The following ZFR variants were observed in gnomAD, a reference collection of about 807,000 sequenced individuals.
ZFR encodes the protein zinc finger RNA-binding protein.
ZFR carries 19 observed loss-of-function variants against 130.7 expected under a neutral mutation model. That is an observed-to-expected ratio of 0.15 (90% confidence interval 0.10 to 0.21). The LOEUF (loss-of-function observed/expected upper bound fraction) is 0.21. Ranked by LOEUF, ZFR falls within the 10% of genes least tolerant of loss-of-function variation. The pLI, the probability that ZFR is intolerant of heterozygous loss-of-function variation, is 1.00. For synonymous variants in ZFR, 466 were observed against 456.9 expected (o/e 1.02, Z -0.25); for missense variants, 872 against 1,321.5 (o/e 0.66, Z 5.27).
At chr5:32,390,490 A>C in intron 11 of ZFR, 53 bp from the exon 12 acceptor site, 1 of 1,520,954 alleles carries the variant, frequency 6.6e-7, no homozygotes, top group Non-Finnish European at 9.0e-7. Flanking sequence ...ACAGCCCAAG[A>C]ACTTGCATCA....
At chr5:32,363,887 C>A in intron 19 of ZFR, 61 bp downstream of exon 19, 1 of 1,378,080 alleles carries the variant, frequency 7.3e-7, no homozygotes, top group Non-Finnish European at 1.0e-6. Context: ...AAGACAATAA[C>A]AGAAAAATAA....
intron 4 of ZFR, among the ~76,000 whole-genome samples, chr5:32,415,511 T>TGCGC (rs1336806329): frequency 1.1e-5 from 1 of 93,484 alleles, no homozygotes; most frequent in African/African-American, 5.1e-5. Flanking sequence ...TGTGTGTGTG[T>TGCGC]GTGTGCGCGC....
rs138398422 is a variant in ZFR at position 32,444,183 on chromosome 5, G to A, written c.137+46C>T. ...GCGTCGCATCGACAGGATCCGGACC[G>A]AGGGGAGAGCAAGGGGCGAACAGAG... On this transcript the variant is annotated intron_variant, in intron 2 of 19. Coordinates refer to ENST00000265069, the MANE Select transcript of ZFR (RefSeq NM_016107.5). The A allele has an allele frequency of 2.7e-4, 429 of 1,579,284 alleles. 1 individual carries two copies. The African/African-American group carries it at 5.0e-3, about 18-fold the overall frequency.
rs1248980487 is a variant in ZFR, at chr5:32,420,001, A to G, written c.240T>C (p.Tyr80=). The G allele has an allele frequency of 1.9e-6, 3 of 1,613,892 alleles. No individual in the cohort carries two copies. Among genetic ancestry groups the G allele is most frequent in the Admixed American group, 1.7e-5 (1 of 60,028 alleles). ...PVAAHTVTAA[Y]APAAATVAVA... ...CTGCAACTGTGGCGGCTGCTGGTGC[A>G]TAGGCAGCAGTAACTGTGTGAGCAG... is the stretch of plus-strand genomic sequence containing the variant. Residue 80 remains tyrosine (Y), a synonymous_variant, in exon 3 of 20, where the codon TAT becomes TAC. Coordinates refer to ENST00000265069, the MANE Select transcript of ZFR (RefSeq NM_016107.5).
intron 2 of ZFR, among the ~76,000 whole-genome samples, chr5:32,432,942 C>T (rs893295009): frequency 3.3e-5 from 5 of 151,084 alleles, no homozygotes; most frequent in Non-Finnish European, 5.9e-5. Flanking sequence ...CTATGCTACC[C>T]AGGCTGGTCT....
At chr5:32,367,464 GTAAA>G (rs10612194) in intron 17 of ZFR, among the ~76,000 whole-genome samples, 147,810 of 150,238 alleles carry the variant, frequency 0.98, 72,748 homozygotes, top group Non-Finnish European at 1. Flanking sequence ...AATAAATAAA[GTAAA>G]TAAATAAATA....
Position 32,400,163 on chromosome 5 carries a change from G to A in ZFR, c.1557C>T (p.Asp519=), listed in dbSNP as rs757324904. 25 of 1,610,520 alleles carry A rather than the reference G, an allele frequency of 1.6e-5. 1 individual carries two copies. The South Asian group carries it at 2.7e-4, about 17-fold the overall frequency. ...TTTTAACACATTCGGTTCCTTTTAT[G>A]TCTTCTGCTTTATTTCCTGTTGACT... ...KLQSTGNKAE[D]IKGTECVKST... Residue 519 remains aspartate, a synonymous_variant, in exon 9 of 20, where the codon GAC becomes GAT. Coordinates refer to ENST00000265069, the MANE Select transcript of ZFR (RefSeq NM_016107.5).
chr5:32,425,453 T>C (rs1273162323), intron 2 of ZFR, among the ~76,000 whole-genome samples: 1 of 152,210 alleles, frequency 6.6e-6, no homozygotes, highest in African/African-American at 2.4e-5. Context: ...TTTGTAAAAA[T>C]GTAAAACAAT....
chr5:32,415,620 T>C (rs1753810858), intron 4 of ZFR, among the ~76,000 whole-genome samples: 2 of 152,008 alleles, frequency 1.3e-5, no homozygotes, highest in Admixed American at 6.6e-5. Flanking sequence ...CAGTAAAAAC[T>C]TCAATGTTTA....
rs578030946 is a variant in ZFR at position 32,422,998 on chromosome 5, G to A, written c.138-2895C>T. On this transcript the variant is annotated intron_variant, in intron 2 of 19. Coordinates refer to ENST00000265069, the MANE Select transcript of ZFR (RefSeq NM_016107.5). ...CAACAACAACAAAAAGTGAGCCAGG[G>A]ACTCACTACAAAAAATAAGACTTTC... 1.4e-4 allele frequency among the ~76,000 whole-genome samples: 21 copies of A among 151,820 alleles called. No individual in the cohort carries two copies. The South Asian group carries it at 4.4e-3, about 32-fold the overall frequency.
At position 32,428,730 on chromosome 5, in the gene ZFR, G is replaced by A. The variant is rs899891144; in HGVS notation, c.138-8627C>T. 3.1e-4 allele frequency among the ~76,000 whole-genome samples: 47 copies of A among 152,174 alleles called. 2 individuals carry two copies. Among genetic ancestry groups the A allele is most frequent in the Non-Finnish European group, 1.0e-4 (7 of 68,034 alleles). On this transcript the variant is annotated intron_variant, in intron 2 of 19. Transcript: ENST00000265069. ...AAGCAGAGCGTCCCACCAGATGTTG[G>A]TGTTAGTTCTCAGGGAGAATGCACA...
At chr5:32,414,649 C>T (rs1021389672) in intron 5 of ZFR, among the ~76,000 whole-genome samples, 1 of 152,104 alleles carries the variant, frequency 6.6e-6, no homozygotes, top group African/African-American at 2.4e-5. Context: ...TTTTCAATTT[C>T]ATTTGGAAAA....
intron 5 of ZFR, among the ~76,000 whole-genome samples, chr5:32,407,415 T>C (rs1753601101): frequency 6.7e-6 from 1 of 149,934 alleles, no homozygotes; most frequent in Non-Finnish European, 1.5e-5. Flanking sequence ...TGAAGTAGGA[T>C]ACTAGATAGG....
chr5:32,363,999 G>A lies in ZFR; in HGVS notation c.2994C>T (p.Thr998=). 1.9e-6 allele frequency: 3 copies of A among 1,614,030 alleles called. No individual in the cohort carries two copies. The highest frequency in any genetic ancestry group is 1.3e-5 in the African/African-American group (1 of 75,004). Residue 998 remains threonine (T), a synonymous_variant, in exon 19 of 20, where the codon ACC becomes ACT. Transcript: ENST00000265069. The stretch of plus-strand genomic sequence containing the variant: ...GCTGCTGGTCAGTCATTGTTGCCAA[G>A]GTATCAAAGGGATCCTTTTCACAAG... The part of the protein sequence containing the change: ...LDPCEKDPFD[T]LATMTDQQRE...
At chr5:32,402,342 T>C (rs184893263) in intron 8 of ZFR, among the ~76,000 whole-genome samples, 7 of 152,140 alleles carry the variant, frequency 4.6e-5, no homozygotes, top group South Asian at 4.1e-4. Flanking sequence ...GGAGAGTCAA[T>C]AGGATGAAAC....
intron 16 of ZFR, chr5:32,379,780 C>A (rs1322953283): frequency 2.3e-5 from 6 of 255,690 alleles, no homozygotes; most frequent in Non-Finnish European, 4.6e-5. Context: ...AATATATATA[C>A]ACAAACATGT....
intron 5 of ZFR, among the ~76,000 whole-genome samples, chr5:32,411,494 G>C (rs964776451): frequency 1.8e-4 from 28 of 151,960 alleles, no homozygotes; most frequent in Non-Finnish European, 3.1e-4. Context: ...TTTCAGACCA[G>C]CTTGGCCACC....
At chr5:32,417,202 T>G (rs922937301) in intron 4 of ZFR, among the ~76,000 whole-genome samples, 1 of 152,142 alleles carries the variant, frequency 6.6e-6, no homozygotes, top group Non-Finnish European at 1.5e-5. Flanking sequence ...ATTTGAACCA[T>G]TCTACATACT....
rs765013656 is a variant in ZFR at position 32,355,534 on chromosome 5, G to A, written c.*226C>T. 5.9e-6 allele frequency: 2 copies of A among 337,378 alleles called. No homozygotes were observed. Among genetic ancestry groups the A allele is most frequent in the East Asian group, 4.9e-5 (1 of 20,282 alleles). The allele number at this position is 337,378 out of a possible 1,614,324, so 20.9% of individuals were successfully genotyped here. A position where few individuals can be genotyped will look rare whatever the true frequency, so the allele number is the denominator to read the frequency against. Reference sequence around the variant, plus strand: ...AAAATAAAAATAATGGGAAAAAATCGGAACTACTGTTTTCCCCCTAGTCGG... The same window carrying A: ...AAAATAAAAATAATGGGAAAAAATCAGAACTACTGTTTTCCCCCTAGTCGG... On this transcript the variant is annotated 3_prime_UTR_variant, in exon 20 of 20. Coordinates refer to ENST00000265069, the MANE Select transcript of ZFR (RefSeq NM_016107.5).
Sources: allele counts gnomAD v4.1 joint callset (sites outside exome capture counted in the v4.1 genomes callset), GRCh38; gene constraint gnomAD v4.1.1; transcripts MANE v1.5; gene names NCBI Gene and HGNC (gene_info 2026-07-23, HGNC 2026-07-21).